The following SPAG11B variants were observed in gnomAD, a reference collection of about 807,000 sequenced individuals.
SPAG11B encodes sperm-associated antigen 11B.
A neutral mutation model predicts 8.9 loss-of-function variants in SPAG11B; 5 were observed. That is an observed-to-expected ratio of 0.56 (90% confidence interval 0.29 to 1.19). SPAG11B has a LOEUF of 1.19. Ranked by LOEUF, SPAG11B falls within the 50% of genes most tolerant of loss-of-function variation. SPAG11B has a pLI of 0.08. For synonymous variants in SPAG11B, 12 were observed against 53.0 expected (o/e 0.23, Z 3.36); for missense variants, 38 against 146.4 (o/e 0.26, Z 3.82).
chr8:7,451,082 T>C lies in SPAG11B; in HGVS notation c.215-182A>G, dbSNP rs1439859368. The C allele has an allele frequency of 4.0e-6, 6 of 1,512,792 alleles. No homozygotes were observed. In the African/African-American group the frequency reaches 6.0e-5, roughly 15 times the overall value. The allele number at this position is 1,512,792 out of a possible 1,614,324, so 93.7% of individuals were successfully genotyped here. On this transcript the variant is annotated intron_variant, in intron 2 of 2. Coordinates refer to ENST00000398462, the MANE Select transcript of SPAG11B (RefSeq NM_058201.4). ...CAGGAACGATAATTTATATCTGAAA[T>C]GTTGCCAGGAGGATGATAGGGTGTG...
chr8:7,457,759 GGTTTTGTATGTGAGGACTA>G (rs1810529049), intron 2 of SPAG11B, among the ~76,000 whole-genome samples: 1 of 139,374 alleles, frequency 7.2e-6, no homozygotes, highest in South Asian at 2.5e-4. Flanking sequence ...CAGTGCTTCT[GGTTTTGTATGTGAGGACTA>G]GTTTCATATA....
At chr8:7,452,823 GC>G (rs1810260129) in intron 2 of SPAG11B, among the ~76,000 whole-genome samples, 1 of 93,778 alleles carries the variant, frequency 1.1e-5, no homozygotes, top group Non-Finnish European at 2.0e-5. Context: ...TTTCCTTGCA[GC>G]CAAGAGAATG....
rs1054039335 is a variant in SPAG11B, at chr8:7,454,028, T to C, written c.215-3128A>G. Among the ~76,000 whole-genome samples, 4 of 132,376 alleles carry C rather than the reference T, an allele frequency of 3.0e-5. 1 individual carries two copies. Among genetic ancestry groups the C allele is most frequent in the African/African-American group, 1.3e-4 (4 of 31,480 alleles). 86.8% of individuals were successfully genotyped at this position (132,376 alleles called of 152,430 possible). ...CAGTACTTTAAGAAATCGATTAAAATGTGAAATTCTTTCTCTGTGGAGCAT... is the reference window on the plus strand; with the variant it reads ...CAGTACTTTAAGAAATCGATTAAAACGTGAAATTCTTTCTCTGTGGAGCAT... On this transcript the variant is annotated intron_variant, in intron 2 of 2. Coordinates refer to ENST00000398462, the MANE Select transcript of SPAG11B (RefSeq NM_058201.4).
intron 2 of SPAG11B, among the ~76,000 whole-genome samples, chr8:7,453,453 G>A (rs1176028434): frequency 6.7e-6 from 1 of 148,268 alleles, no homozygotes; most frequent in Non-Finnish European, 1.5e-5. Flanking sequence ...TGTCCCATGT[G>A]TATGGAAGCA....
rs776286770 is a variant in SPAG11B, at chr8:7,450,949, G to A, written c.215-49C>T. ...TGACATTTAACTCATATAGTGCAGA[G>A]AATAGAAGATGACCCCAGCCCGCTG... On this transcript the variant is annotated intron_variant, in intron 2 of 2. Coordinates refer to ENST00000398462, the MANE Select transcript of SPAG11B (RefSeq NM_058201.4). 11 of 1,540,638 alleles carry A rather than the reference G, an allele frequency of 7.1e-6. 1 individual carries two copies. The highest frequency in any genetic ancestry group is 9.7e-6 in the Non-Finnish European group (11 of 1,134,628).
chr8:7,453,078 T>C (rs1320485976), intron 2 of SPAG11B, among the ~76,000 whole-genome samples: 2 of 144,104 alleles, frequency 1.4e-5, no homozygotes, highest in African/African-American at 5.5e-5. Flanking sequence ...TCTCATTTGA[T>C]GAAGTTATCC....
chr8:7,447,796 G>T, downstream of SPAG11B: 1 of 357,368 alleles, frequency 2.8e-6, no homozygotes, highest in African/African-American at 3.5e-5. Context: ...TCGCACTGAG[G>T]ATCATACTCC....
chr8:7,453,926 A>G (rs2128873776), intron 2 of SPAG11B, among the ~76,000 whole-genome samples: 1 of 149,336 alleles, frequency 6.7e-6, no homozygotes, highest in East Asian at 1.9e-4. Flanking sequence ...AAAGAGAGAA[A>G]AAAAAAAGTT....
downstream of SPAG11B, among the ~76,000 whole-genome samples, chr8:7,450,079 G>C (rs1370532414): frequency 8.0e-6 from 1 of 125,606 alleles, no homozygotes; most frequent in Non-Finnish European, 1.7e-5. Context: ...TGACTGATAG[G>C]CATACTGAGA....
At chr8:7,451,764 C>T (rs1373055414) in intron 2 of SPAG11B, among the ~76,000 whole-genome samples, 1 of 151,632 alleles carries the variant, frequency 6.6e-6, no homozygotes, top group East Asian at 1.9e-4. Flanking sequence ...TTAGACAACT[C>T]ATTTAACTGG....
intron 2 of SPAG11B, among the ~76,000 whole-genome samples, chr8:7,454,232 C>A (rs1810369340): frequency 1.7e-5 from 2 of 114,804 alleles, no homozygotes; most frequent in Admixed American, 1.8e-4. Context: ...GACAAAGTGG[C>A]TGTACGATAC....
downstream of SPAG11B, chr8:7,448,091 A>G: frequency 2.0e-6 from 2 of 991,176 alleles, no homozygotes; most frequent in Non-Finnish European, 2.8e-6. Flanking sequence ...TGCCTCAATA[A>G]ATATCCCTGC....
At chr8:7,451,924 A>G (rs1810210975) in intron 2 of SPAG11B, among the ~76,000 whole-genome samples, 1 of 138,424 alleles carries the variant, frequency 7.2e-6, no homozygotes, top group Non-Finnish European at 1.5e-5. Flanking sequence ...TTTGTAGAGC[A>G]TGGGGCTGCT....
chr8:7,453,207 G>A (rs1810288621), intron 2 of SPAG11B, among the ~76,000 whole-genome samples: 2 of 143,716 alleles, frequency 1.4e-5, no homozygotes, highest in Admixed American at 6.9e-5. Flanking sequence ...TGTGAAAACA[G>A]AATCTGCAAG....
chr8:7,459,472 A>G lies in SPAG11B; in HGVS notation c.214+3235T>C, dbSNP rs1184125100. Among the ~76,000 whole-genome samples the G allele has an allele frequency of 2.0e-5, 3 of 147,630 alleles. 1 individual carries two copies. Among genetic ancestry groups the G allele is most frequent in the African/African-American group, 5.0e-5 (2 of 40,204 alleles). On this transcript the variant is annotated intron_variant, in intron 2 of 2. Coordinates refer to ENST00000398462, the MANE Select transcript of SPAG11B (RefSeq NM_058201.4). ...AAAACCATGGACTAATTGAAAGACT[A>G]CTACACATCAAGCAACTGAGAAAAT... is the stretch of plus-strand genomic sequence containing the variant.
chr8:7,451,395 C>T (rs1810150351), intron 2 of SPAG11B, among the ~76,000 whole-genome samples: 1 of 129,092 alleles, frequency 7.7e-6, no homozygotes, highest in Admixed American at 8.4e-5. Context: ...CACAAATGAC[C>T]ACCTAAATTT....
intron 2 of SPAG11B, chr8:7,451,241 C>T: frequency 1.5e-6 from 2 of 1,366,294 alleles, no homozygotes; most frequent in Non-Finnish European, 2.0e-6. Context: ...AGAAGTGGTC[C>T]AGAATAGGAC....
chr8:7,453,877 T>C (rs1810340828), intron 2 of SPAG11B, among the ~76,000 whole-genome samples: 1 of 149,296 alleles, frequency 6.7e-6, no homozygotes. Flanking sequence ...TTAGGGAAAA[T>C]TGGGCACTCC....
chr8:7,447,925 C>T, downstream of SPAG11B: 4 of 1,017,874 alleles, frequency 3.9e-6, 1 homozygote, highest in Non-Finnish European at 2.7e-6. Flanking sequence ...CAGAGAGCTG[C>T]CTCCTGGCCT....
Sources: allele counts gnomAD v4.1 joint callset (sites outside exome capture counted in the v4.1 genomes callset), GRCh38; gene constraint gnomAD v4.1.1; transcripts MANE v1.5; gene names NCBI Gene and HGNC (gene_info 2026-07-23, HGNC 2026-07-21).